Variants in FOXP2 observed in about 807,000 individuals in gnomAD.
The protein encoded by FOXP2 is forkhead box P2.
A neutral mutation model predicts 115.8 loss-of-function variants in FOXP2; 12 were observed. That is an observed-to-expected ratio of 0.10 (90% confidence interval 0.07 to 0.17). The LOEUF is 0.17. Ranked by LOEUF, FOXP2 falls within the 10% of genes least tolerant of loss-of-function variation. The pLI, the probability that FOXP2 is intolerant of heterozygous loss-of-function variation, is 1.00. For synonymous variants in FOXP2, 328 were observed against 297.7 expected (o/e 1.10, Z -1.05); for missense variants, 629 against 843.5 (o/e 0.75, Z 3.15).
chr7:114,226,472 C>T (rs955615342), intron 1 of FOXP2, among the ~76,000 whole-genome samples: 10 of 152,270 alleles, frequency 6.6e-5, no homozygotes, highest in African/African-American at 2.4e-4. Flanking sequence ...TAACATTTGG[C>T]ACCCTTCTAT....
chr7:114,417,424 A>G (rs1221730344), intron 1 of FOXP2, among the ~76,000 whole-genome samples: 1 of 151,978 alleles, frequency 6.6e-6, no homozygotes, highest in Non-Finnish European at 1.5e-5. Flanking sequence ...GTCAATTAGC[A>G]CTGTTCATTA....
intron 3 of FOXP2, among the ~76,000 whole-genome samples, chr7:114,546,192 G>A (rs762636841): frequency 3.3e-5 from 5 of 152,170 alleles, no homozygotes; most frequent in Non-Finnish European, 5.9e-5. Flanking sequence ...GTTACAAAGT[G>A]AAGTTATTTG....
intron 8 of FOXP2, among the ~76,000 whole-genome samples, chr7:114,651,020 T>A (rs776759703): frequency 4.0e-4 from 61 of 152,092 alleles, no homozygotes; most frequent in Non-Finnish European, 8.1e-4. Flanking sequence ...ACTCTTCATA[T>A]GTTTTACATG....
intron 2 of FOXP2, among the ~76,000 whole-genome samples, chr7:114,461,361 C>T (rs1457357962): frequency 6.6e-6 from 1 of 151,930 alleles, no homozygotes; most frequent in Non-Finnish European, 1.5e-5. Context: ...TATACTTTTC[C>T]TTTTAATGTA....
At chr7:114,426,022 T>G (rs1793830143) in intron 1 of FOXP2, among the ~76,000 whole-genome samples, 1 of 151,696 alleles carries the variant, frequency 6.6e-6, no homozygotes, top group African/African-American at 2.4e-5. Flanking sequence ...AATTTTAATT[T>G]TGTATGATTA....
At chr7:114,110,158 A>T (rs1289900516) in intron 1 of FOXP2, among the ~76,000 whole-genome samples, 2 of 152,124 alleles carry the variant, frequency 1.3e-5, no homozygotes, top group Non-Finnish European at 2.9e-5. Flanking sequence ...TTTTATCATT[A>T]TGTGTGCTAG....
intron 2 of FOXP2, among the ~76,000 whole-genome samples, chr7:114,393,998 G>T (rs549476005): frequency 3.7e-3 from 58 of 15,850 alleles, no homozygotes; most frequent in African/African-American, 5.6e-3. Context: ...GTGTGTGTGT[G>T]TGTGTGTGAG....
At chr7:114,638,191 G>A (rs1020756092) in intron 6 of FOXP2, among the ~76,000 whole-genome samples, 1 of 152,070 alleles carries the variant, frequency 6.6e-6, no homozygotes. Context: ...TTTACACCTG[G>A]TATTTAAAAC....
At chr7:114,548,869 T>TTTGAAGGG (rs1800062411) in intron 3 of FOXP2, among the ~76,000 whole-genome samples, 1 of 152,140 alleles carries the variant, frequency 6.6e-6, no homozygotes, top group African/African-American at 2.4e-5. Context: ...GCAAATGTTT[T>TTTGAAGGG]TTGAAGGGTG....
At chr7:114,292,580 T>C (rs1480816056) in intron 2 of FOXP2, among the ~76,000 whole-genome samples, 1 of 152,186 alleles carries the variant, frequency 6.6e-6, no homozygotes, top group Non-Finnish European at 1.5e-5. Flanking sequence ...TCTTTCTCAT[T>C]GTTTCTGTCC....
At chr7:114,564,512 T>C (rs1800906984) in intron 3 of FOXP2, among the ~76,000 whole-genome samples, 1 of 152,178 alleles carries the variant, frequency 6.6e-6, no homozygotes, top group African/African-American at 2.4e-5. Context: ...CACAGTATTG[T>C]TAACAGTATC....
intron 2 of FOXP2, among the ~76,000 whole-genome samples, chr7:114,379,974 A>G (rs527736031): frequency 6.6e-5 from 10 of 151,976 alleles, no homozygotes; most frequent in Non-Finnish European, 1.2e-4. Context: ...TCCCTATTCT[A>G]TTTTTCCTGC....
chr7:114,554,574 GA>G (rs1800368251), intron 3 of FOXP2, among the ~76,000 whole-genome samples: 1 of 151,950 alleles, frequency 6.6e-6, no homozygotes, highest in Non-Finnish European at 1.5e-5. Flanking sequence ...TAATCATTAT[GA>G]TTTTTTGAAA....
chr7:114,475,965 T>C lies in FOXP2; in HGVS notation c.168+49286T>C, dbSNP rs1358803105. On this transcript the variant is annotated intron_variant, in intron 2 of 16. Transcript: ENST00000350908. ...CAACCATGTAACAAACATATACATG[T>C]ACCCCCTATATCTAATGTAAACATT... Among the ~76,000 whole-genome samples, 2 of 151,968 alleles carry C rather than the reference T, an allele frequency of 1.3e-5. 1 individual carries two copies. Among genetic ancestry groups the C allele is most frequent in the Non-Finnish European group, 2.9e-5 (2 of 67,930 alleles).
intron 1 of FOXP2, among the ~76,000 whole-genome samples, chr7:114,098,996 A>G (rs1335597281): frequency 6.6e-6 from 1 of 152,048 alleles, no homozygotes; most frequent in African/African-American, 2.4e-5. Flanking sequence ...TTAGCCGGGC[A>G]TGGTGGCTTG....
intron 1 of FOXP2, among the ~76,000 whole-genome samples, chr7:114,225,104 T>G (rs1794713551): frequency 6.6e-6 from 1 of 152,122 alleles, no homozygotes; most frequent in Non-Finnish European, 1.5e-5. Context: ...TGGCTTCAGT[T>G]TGTTAATTTT....
chr7:114,322,966 T>G (rs1320300288), intron 2 of FOXP2, among the ~76,000 whole-genome samples: 1 of 152,212 alleles, frequency 6.6e-6, no homozygotes, highest in African/African-American at 2.4e-5. Flanking sequence ...AGAGAACTTG[T>G]GTGTATTGAA....
At chr7:114,618,569 C>T (rs1383159669) in intron 3 of FOXP2, among the ~76,000 whole-genome samples, 1 of 152,130 alleles carries the variant, frequency 6.6e-6, no homozygotes, top group Non-Finnish European at 1.5e-5. Context: ...ATACAACAGA[C>T]AAAACCAAAA....
At chr7:114,305,351 A>G (rs1796987922) in intron 2 of FOXP2, among the ~76,000 whole-genome samples, 1 of 152,166 alleles carries the variant, frequency 6.6e-6, no homozygotes, top group Non-Finnish European at 1.5e-5. Context: ...TACTTCTATG[A>G]ATAAGTCTCC....
Sources: gnomAD v4.1 joint callset for allele counts (sites outside exome capture counted in the v4.1 genomes callset) on GRCh38, gnomAD v4.1.1 for gene constraint, MANE v1.5 for transcripts, NCBI Gene and HGNC (gene_info 2026-07-23, HGNC 2026-07-21) for gene names.